The following MAP4K5 variants were observed in gnomAD, a reference collection of about 807,000 sequenced individuals.
MAP4K5 encodes the protein MAPK/ERK kinase kinase kinase 5.
MAP4K5 carries 82 observed loss-of-function variants against 135.6 expected under a neutral mutation model. The observed-to-expected ratio is 0.60, with a 90% confidence interval of 0.51 to 0.73. MAP4K5 has a LOEUF of 0.73. Among genes scored for constraint, MAP4K5 ranks in the 30% least tolerant of loss-of-function variants. MAP4K5 has a pLI of 0.00. For missense variants in MAP4K5, 907 were observed against 1,010.9 expected (o/e 0.90, Z 1.39); for synonymous variants, 347 against 335.0 (o/e 1.04, Z -0.39).
rs2036426390 is a variant in MAP4K5 at position 50,449,119 on chromosome 14, T to C, written c.1016-287A>G. 4 of 315,270 alleles carry C rather than the reference T, an allele frequency of 1.3e-5. No homozygotes were observed. In the South Asian group the frequency reaches 2.2e-4, roughly 17 times the overall value. 19.5% of individuals were successfully genotyped at this position (315,270 alleles called of 1,614,324 possible). On this transcript the variant is annotated intron_variant, in intron 14 of 32. Transcript: ENST00000682126. Reference sequence around the variant, plus strand: ...TTTTTAAAAATTCATCAAAAATAAATGACTAAGTAAAAACTTTAAGAATTT... The same window carrying C: ...TTTTTAAAAATTCATCAAAAATAAACGACTAAGTAAAAACTTTAAGAATTT...
chr14:50,458,367 A>T (rs2036636641), intron 13 of MAP4K5, among the ~76,000 whole-genome samples: 1 of 151,898 alleles, frequency 6.6e-6, no homozygotes, highest in Non-Finnish European at 1.5e-5. Context: ...AATGCCCCCC[A>T]CCACACACAC....
intron 6 of MAP4K5, among the ~76,000 whole-genome samples, chr14:50,476,821 G>T (rs185218401): frequency 1.3e-5 from 2 of 152,148 alleles, no homozygotes; most frequent in East Asian, 3.8e-4. Flanking sequence ...ACACAATCAA[G>T]ATATCAAATA....
intron 1 of MAP4K5, among the ~76,000 whole-genome samples, chr14:50,556,315 A>G (rs1258627308): frequency 6.6e-6 from 1 of 152,136 alleles, no homozygotes. Flanking sequence ...TCCTGGGCTC[A>G]AGGGATCCTC....
At chr14:50,516,918 T>C (rs1239270315) in intron 2 of MAP4K5, among the ~76,000 whole-genome samples, 2 of 152,182 alleles carry the variant, frequency 1.3e-5, no homozygotes, top group Non-Finnish European at 2.9e-5. Flanking sequence ...TAAGCTCTAA[T>C]TCTAACTCTG....
At chr14:50,434,647 C>T (rs2036049957) in intron 27 of MAP4K5, 76 bp from the exon 28 acceptor site, 1 of 1,272,730 alleles carries the variant, frequency 7.9e-7, no homozygotes. Context: ...ATAAAGTCAA[C>T]AGAAAGACTC....
chr14:50,555,796 A>G (rs2038758577), intron 1 of MAP4K5, among the ~76,000 whole-genome samples: 1 of 152,208 alleles, frequency 6.6e-6, no homozygotes, highest in African/African-American at 2.4e-5. Flanking sequence ...TGTTGCATGA[A>G]AGTAAATGTC....
rs1457704152 is a variant in MAP4K5 at position 50,520,022 on chromosome 14, G to C, written c.108+11920C>G. Among the ~76,000 whole-genome samples the C allele has an allele frequency of 2.0e-5, 3 of 152,248 alleles. No homozygotes were observed. The East Asian group carries it at 5.8e-4, about 29-fold the overall frequency. On this transcript the variant is annotated intron_variant, in intron 2 of 32. Transcript: ENST00000682126. ...AATAAGGGGGTCAAGAAGGCACGGG[G>C]CACCAACAAAGGGATGCATGCATGT... is the stretch of plus-strand genomic sequence containing the variant.
At position 50,490,447 on chromosome 14, in the gene MAP4K5, A is replaced by G. The variant is rs114497409; in HGVS notation, c.167-4253T>C. ...GTGTTTTAAAGTTTTTTGAAAAACC[A>G]CTGTATTACTGTTTAAATTAAGCAT... On this transcript the variant is annotated intron_variant, in intron 3 of 32. Transcript: ENST00000682126. Among the ~76,000 whole-genome samples, 832 of 152,308 alleles carry G rather than the reference A, an allele frequency of 5.5e-3. 13 individuals are homozygous for G. The highest frequency in any genetic ancestry group is 0.019 in the African/African-American group (800 of 41,568).
rs533384208 is a variant in MAP4K5, at chr14:50,524,948, G to C, written c.108+6994C>G. The stretch of plus-strand genomic sequence containing the variant: ...CAGCTGATGATAGAGATCATCTCTT[G>C]AAACTTTTCGTTCCTATGAAAAGAA... On this transcript the variant is annotated intron_variant, in intron 2 of 32. Transcript: ENST00000682126. Among the ~76,000 whole-genome samples the C allele has an allele frequency of 3.9e-5, 6 of 152,300 alleles. No homozygotes were observed. In the East Asian group the frequency reaches 1.2e-3, roughly 29 times the overall value.
intron 2 of MAP4K5, among the ~76,000 whole-genome samples, chr14:50,539,017 C>T (rs548088822): frequency 2.6e-4 from 40 of 152,302 alleles, no homozygotes; most frequent in South Asian, 8.3e-4. Context: ...TTATTATATT[C>T]TCTTTCTGTG....
chr14:50,468,843 TC>T, intron 9 of MAP4K5, 61 bp from the exon 10 acceptor site: 1 of 1,483,322 alleles, frequency 6.7e-7, no homozygotes, highest in Non-Finnish European at 9.2e-7. Context: ...ATCTGTTACT[TC>T]CTGTTATAAT....
intron 26 of MAP4K5, among the ~76,000 whole-genome samples, chr14:50,436,957 A>AT (rs1271518191): frequency 2.2e-4 from 33 of 152,056 alleles, no homozygotes; most frequent in African/African-American, 7.5e-4. Flanking sequence ...TTAAATCTAT[A>AT]TTTTTTCCCT....
chr14:50,468,032 C>T (rs1368921584), intron 10 of MAP4K5, among the ~76,000 whole-genome samples: 1 of 152,100 alleles, frequency 6.6e-6, no homozygotes, highest in Non-Finnish European at 1.5e-5. Flanking sequence ...TATCAAAAAA[C>T]TTTTCAGATG....
chr14:50,517,028 T>A (rs1325943386), intron 2 of MAP4K5, among the ~76,000 whole-genome samples: 3 of 152,158 alleles, frequency 2.0e-5, no homozygotes, highest in African/African-American at 4.8e-5. Context: ...CCAGTCTAGT[T>A]ATTATTTACT....
At chr14:50,495,653 G>C (rs549190973) in intron 3 of MAP4K5, among the ~76,000 whole-genome samples, 1 of 152,164 alleles carries the variant, frequency 6.6e-6, no homozygotes, top group East Asian at 1.9e-4. Context: ...AAGAGGTAGA[G>C]GCAACCCAGT....
rs372493706 is a variant in MAP4K5, at chr14:50,437,546, A to G, written c.1824-12T>C. 3.6e-5 allele frequency: 56 copies of G among 1,576,818 alleles called. No homozygotes were observed. Among genetic ancestry groups the G allele is most frequent in the African/African-American group, 5.4e-5 (4 of 73,850 alleles). ...TTAAAGCGAATTTTCTGAAAACGTA[A>G]GACGATATAAATGCACTCTACAGTA... is the stretch of plus-strand genomic sequence containing the variant. On this transcript the variant is annotated splice_polypyrimidine_tract_variant and intron_variant, in intron 25 of 32. Coordinates refer to ENST00000682126, the MANE Select transcript of MAP4K5 (RefSeq NM_006575.6).
chr14:50,437,004 T>C (rs1355186441), intron 26 of MAP4K5, among the ~76,000 whole-genome samples: 1 of 152,166 alleles, frequency 6.6e-6, no homozygotes, highest in Non-Finnish European at 1.5e-5. Context: ...GTATAACTGC[T>C]TCCAGTTCCG....
chr14:50,507,619 G>C (rs1044941473), intron 2 of MAP4K5, among the ~76,000 whole-genome samples: 3 of 152,104 alleles, frequency 2.0e-5, no homozygotes, highest in South Asian at 2.1e-4. Context: ...AGTAGTCATT[G>C]AGGAGCAGGT....
chr14:50,479,005 GTTTT>G (rs371399947), intron 6 of MAP4K5, among the ~76,000 whole-genome samples: 1 of 151,210 alleles, frequency 6.6e-6, no homozygotes, highest in South Asian at 2.1e-4. Context: ...AGTTTTTTTC[GTTTT>G]TTTTTTTTTT....
Sources: allele counts gnomAD v4.1 joint callset (sites outside exome capture counted in the v4.1 genomes callset), GRCh38; gene constraint gnomAD v4.1.1; transcripts MANE v1.5; gene names NCBI Gene and HGNC (gene_info 2026-07-23, HGNC 2026-07-21).